The following WWC1 variants were observed in gnomAD, a reference collection of about 807,000 sequenced individuals.
WWC1 encodes the protein WW and C2 domain containing 1, also known as protein KIBRA.
Under a neutral mutation model 138.4 loss-of-function variants are expected in WWC1, and 55 were observed. The ratio of observed to expected loss-of-function variants is 0.40; its 90% CI spans 0.32 to 0.50. The LOEUF (loss-of-function observed/expected upper bound fraction) is 0.50. WWC1 is among the 20% of genes least tolerant of loss of function. The pLI, the probability that WWC1 is intolerant of heterozygous loss-of-function variation, is 0.72. For missense variants in WWC1, 1,226 were observed against 1,420.4 expected (o/e 0.86, Z 2.20); for synonymous variants, 524 against 564.9 (o/e 0.93, Z 1.03).
At chr5:168,398,956 T>A (rs939036756) in intron 4 of WWC1, among the ~76,000 whole-genome samples, 2 of 152,228 alleles carry the variant, frequency 1.3e-5, no homozygotes, top group African/African-American at 4.8e-5. Context: ...ATTTTAAAAG[T>A]TGAATAATAC....
At chr5:168,376,992 A>G (rs1363469896) in intron 2 of WWC1, among the ~76,000 whole-genome samples, 1 of 152,242 alleles carries the variant, frequency 6.6e-6, no homozygotes, top group Non-Finnish European at 1.5e-5. Flanking sequence ...AAGCAAAAAG[A>G]ACAAAGCCAG....
At chr5:168,324,576 A>G (rs899238584) in intron 1 of WWC1, among the ~76,000 whole-genome samples, 1 of 152,220 alleles carries the variant, frequency 6.6e-6, no homozygotes, top group Non-Finnish European at 1.5e-5. Flanking sequence ...GACTCTTTAG[A>G]GCAAACATAA....
chr5:168,456,697 A>ATT (rs1756355391), intron 19 of WWC1, among the ~76,000 whole-genome samples: 1 of 62,262 alleles, frequency 1.6e-5, no homozygotes. Context: ...ATGCTCCGCC[A>ATT]ATTTTTTTTT....
At chr5:168,378,400 C>A (rs1033007662) in intron 2 of WWC1, among the ~76,000 whole-genome samples, 1 of 152,002 alleles carries the variant, frequency 6.6e-6, no homozygotes, top group Non-Finnish European at 1.5e-5. Context: ...GCACAGGTAC[C>A]CCCTGAATCT....
At position 168,303,132 on chromosome 5, in the gene WWC1, A is replaced by C. The variant is rs1325438101; in HGVS notation, c.119+10861A>C. ...AGACAAGGAAACTGAAGACAAACGAAGTAACTTCGTCCTCCCTATGCTAAG... is the reference window on the plus strand; with the variant it reads ...AGACAAGGAAACTGAAGACAAACGACGTAACTTCGTCCTCCCTATGCTAAG... On this transcript the variant is annotated intron_variant, in intron 1 of 22. Coordinates refer to ENST00000265293, the MANE Select transcript of WWC1 (RefSeq NM_015238.3). Among the ~76,000 whole-genome samples the C allele has an allele frequency of 3.3e-5, 5 of 152,218 alleles. No individual in the cohort carries two copies. In the East Asian group the frequency reaches 9.6e-4, roughly 29 times the overall value.
chr5:168,405,483 C>G (rs552799468), intron 5 of WWC1, among the ~76,000 whole-genome samples: 2 of 152,294 alleles, frequency 1.3e-5, no homozygotes, highest in East Asian at 3.9e-4. Flanking sequence ...GTCAAGTCAA[C>G]GATGCTACCG....
intron 5 of WWC1, among the ~76,000 whole-genome samples, chr5:168,403,064 TTC>T (rs1437992836): frequency 1.6e-5 from 2 of 121,722 alleles, no homozygotes; most frequent in Non-Finnish European, 3.4e-5. Context: ...CTTTCTTTCT[TTC>T]TTTCTTTCTT....
intron 1 of WWC1, among the ~76,000 whole-genome samples, chr5:168,363,415 T>C (rs1335170526): frequency 6.8e-6 from 1 of 147,412 alleles, no homozygotes; most frequent in African/African-American, 2.5e-5. Context: ...TCCCAGCTAC[T>C]CAGGAGGCTG....
At chr5:168,338,196 A>T (rs1181005484) in intron 1 of WWC1, among the ~76,000 whole-genome samples, 1 of 151,418 alleles carries the variant, frequency 6.6e-6, no homozygotes, top group African/African-American at 2.4e-5. Context: ...CTGTAATCCC[A>T]GCTACTCAGG....
At chr5:168,447,191 G>T (rs1407921273) in intron 17 of WWC1, among the ~76,000 whole-genome samples, 1 of 152,208 alleles carries the variant, frequency 6.6e-6, no homozygotes, top group African/African-American at 2.4e-5. Flanking sequence ...TGCATGATAA[G>T]CACTTAACAC....
intron 2 of WWC1, among the ~76,000 whole-genome samples, chr5:168,375,449 C>A (rs1311250886): frequency 6.6e-6 from 1 of 152,132 alleles, no homozygotes; most frequent in African/African-American, 2.4e-5. Flanking sequence ...GGTGACCTGA[C>A]TTTGGAGGGC....
chr5:168,336,583 A>AC (rs1773477277), intron 1 of WWC1, among the ~76,000 whole-genome samples: 1 of 150,128 alleles, frequency 6.7e-6, no homozygotes. Context: ...AAAAAAAAAA[A>AC]AAAAAAAAAA....
At chr5:168,423,418 G>C (rs957206206) in intron 10 of WWC1, 115 bp from the exon 11 acceptor site, 42 of 1,205,748 alleles carry the variant, frequency 3.5e-5, no homozygotes, top group Non-Finnish European at 4.6e-5. Context: ...GTCTACCCTA[G>C]AGATTGCCAA....
chr5:168,310,118 T>C (rs1340888476), intron 1 of WWC1, among the ~76,000 whole-genome samples: 2 of 152,198 alleles, frequency 1.3e-5, no homozygotes, highest in Non-Finnish European at 2.9e-5. Context: ...CATCTCATAT[T>C]TTGCCTCACT....
intron 1 of WWC1, among the ~76,000 whole-genome samples, chr5:168,294,328 C>T (rs1769332944): frequency 6.6e-6 from 1 of 151,942 alleles, no homozygotes; most frequent in Non-Finnish European, 1.5e-5. Context: ...GACTTTAGAT[C>T]AACTCACTTT....
intron 10 of WWC1, among the ~76,000 whole-genome samples, chr5:168,422,971 C>A (rs1582242850): frequency 6.6e-6 from 1 of 151,856 alleles, no homozygotes; most frequent in East Asian, 1.9e-4. Flanking sequence ...CACGGTGAAA[C>A]CCCCTCTCTA....
chr5:168,466,933 T>G (rs959122331), intron 21 of WWC1, among the ~76,000 whole-genome samples: 1 of 150,390 alleles, frequency 6.6e-6, no homozygotes, highest in Non-Finnish European at 1.5e-5. Flanking sequence ...AAAAAAAAAA[T>G]TAGCATCTAT....
chr5:168,467,048 T>G (rs975446747), intron 21 of WWC1, among the ~76,000 whole-genome samples: 3 of 152,092 alleles, frequency 2.0e-5, no homozygotes, highest in Non-Finnish European at 4.4e-5. Context: ...GATCACAAGG[T>G]CAGGAGATTG....
At chr5:168,398,204 C>G (rs1355752094) in intron 4 of WWC1, among the ~76,000 whole-genome samples, 1 of 152,062 alleles carries the variant, frequency 6.6e-6, no homozygotes, top group African/African-American at 2.4e-5. Flanking sequence ...CCTGGGTTCA[C>G]GGCATTCTCC....
Sources: gnomAD v4.1 joint callset for allele counts (sites outside exome capture counted in the v4.1 genomes callset) on GRCh38, gnomAD v4.1.1 for gene constraint, MANE v1.5 for transcripts, NCBI Gene and HGNC (gene_info 2026-07-23, HGNC 2026-07-21) for gene names.